Variants in PRDM2 observed in about 807,000 individuals in gnomAD.
PRDM2 encodes the protein PR domain zinc finger protein 2.
PRDM2 carries 30 observed loss-of-function variants against 130.0 expected under a neutral mutation model. The ratio of observed to expected loss-of-function variants is 0.23; its 90% CI spans 0.17 to 0.31. The LOEUF is 0.31. Among genes scored for constraint, PRDM2 ranks in the 10% least tolerant of loss-of-function variants. The pLI is 1.00. For synonymous variants in PRDM2, 871 were observed against 782.4 expected, an observed-to-expected ratio of 1.11 and a Z score of -1.89; for missense variants, 2,011 against 2,108.4, an observed-to-expected ratio of 0.95 and a Z score of 0.90.
At chr1:13,735,456 T>C (rs897696815) in intron 4 of PRDM2, among the ~76,000 whole-genome samples, 34 of 152,384 alleles carry the variant, frequency 2.2e-4, no homozygotes, top group African/African-American at 7.2e-4. Flanking sequence ...TGTACTTTTA[T>C]GGGATTCAAA....
rs1333549069 is a variant in PRDM2 at position 13,749,467 on chromosome 1, G to T, written c.491G>T (p.Ser164Ile). 6.7e-7 allele frequency: 1 copy of T among 1,488,034 alleles called. No individual in the cohort carries two copies. Among genetic ancestry groups the T allele is most frequent in the Non-Finnish European group, 9.0e-7 (1 of 1,105,162 alleles). 92.2% of individuals were successfully genotyped at this position (1,488,034 alleles called of 1,614,324 possible). A position where few individuals can be genotyped will look rare whatever the true frequency, so the allele number is the denominator to read the frequency against. The change falls in exon 6 of 10, where the codon AGC becomes ATC. Residue 164 changes from serine (S) to isoleucine (I), a missense_variant. By Grantham distance (142) the Ser-to-Ile change is moderately radical. Transcript: ENST00000311066. ...CGAGCCAGCGCCCGGAGCAAGCGGA[G>T]CTCCCCCAAGAGCCGGAAAGGTAGG... is the stretch of plus-strand genomic sequence containing the variant. Reference protein sequence around the residue: ...EERASARSKRSSPKSRKGKKK... With the variant: ...EERASARSKRISPKSRKGKKK...
At chr1:13,774,081 C>T (rs1390948507) in intron 7 of PRDM2, among the ~76,000 whole-genome samples, 1 of 152,132 alleles carries the variant, frequency 6.6e-6, no homozygotes, top group Non-Finnish European at 1.5e-5. Context: ...TGTTTGTCCC[C>T]TTAAAATTTT....
intron 8 of PRDM2, among the ~76,000 whole-genome samples, chr1:13,813,083 T>C (rs1016843842): frequency 3.3e-5 from 5 of 152,198 alleles, no homozygotes; most frequent in Non-Finnish European, 5.9e-5. Flanking sequence ...CCGCAACTGC[T>C]GCAGTCACGA....
At chr1:13,808,049 C>T (rs1417522472) in intron 8 of PRDM2, among the ~76,000 whole-genome samples, 1 of 152,172 alleles carries the variant, frequency 6.6e-6, no homozygotes, top group Non-Finnish European at 1.5e-5. Flanking sequence ...CAGTAGAGCA[C>T]ACTTTGCCAG....
chr1:13,727,297 C>G (rs1174762801), intron 2 of PRDM2, among the ~76,000 whole-genome samples: 1 of 152,158 alleles, frequency 6.6e-6, no homozygotes, highest in Non-Finnish European at 1.5e-5. Context: ...GTCTGTCAGC[C>G]AGGCTGGAGT....
intron 8 of PRDM2, among the ~76,000 whole-genome samples, chr1:13,793,104 T>TGTGTA (rs560019565): frequency 6.5e-4 from 99 of 152,246 alleles, no homozygotes; most frequent in Non-Finnish European, 1.3e-3. Context: ...TGTAGGATCA[T>TGTGTA]GGGAAGAACA....
At chr1:13,739,973 A>G (rs1272792432) in intron 4 of PRDM2, among the ~76,000 whole-genome samples, 1 of 152,216 alleles carries the variant, frequency 6.6e-6, no homozygotes, top group African/African-American at 2.4e-5. Context: ...GGTTTTGGCT[A>G]CGTGTATTCG....
chr1:13,795,952 CAG>C (rs1644916610), intron 8 of PRDM2, among the ~76,000 whole-genome samples: 1 of 152,182 alleles, frequency 6.6e-6, no homozygotes, highest in African/African-American at 2.4e-5. Context: ...GGTTCACACT[CAG>C]GGAAAGAGGG....
chr1:13,778,560 A>G lies in PRDM2; in HGVS notation c.765A>G (p.Arg255=), dbSNP rs1644531900. 6.2e-7 allele frequency: 1 copy of G among 1,614,050 alleles called. No homozygotes were observed. ...AWEPQPEPDE[R]LEAAACEVND... is the part of the protein sequence containing the mutation. Reference sequence around the variant, plus strand: ...AGCCACAGCCAGAACCAGACGAGCGATTAGAAGCGGCAGCTTGTGAGGTGA... The same window carrying G: ...AGCCACAGCCAGAACCAGACGAGCGGTTAGAAGCGGCAGCTTGTGAGGTGA... The change falls in exon 8 of 10, where the codon CGA becomes CGG. Residue 255 remains arginine, a synonymous_variant. Coordinates refer to ENST00000311066, the MANE Select transcript of PRDM2 (RefSeq NM_001393986.1).
At chr1:13,788,859 G>A (rs930989136) in intron 8 of PRDM2, among the ~76,000 whole-genome samples, 3 of 152,164 alleles carry the variant, frequency 2.0e-5, no homozygotes, top group East Asian at 3.9e-4. Context: ...TCCAACAAGC[G>A]CCCTCCATGG....
At chr1:13,766,947 C>A (rs911772547) in intron 6 of PRDM2, among the ~76,000 whole-genome samples, 1 of 152,216 alleles carries the variant, frequency 6.6e-6, no homozygotes, top group Non-Finnish European at 1.5e-5. Context: ...TCTAGAATTT[C>A]CTACTGTGTC....
At chr1:13,763,300 G>A (rs1485055355) in intron 6 of PRDM2, among the ~76,000 whole-genome samples, 2 of 152,216 alleles carry the variant, frequency 1.3e-5, no homozygotes, top group African/African-American at 4.8e-5. Context: ...TTTGGAAAGA[G>A]GAAACAGATG....
At position 13,782,551 on chromosome 1, in the gene PRDM2, C is replaced by A. The variant is rs1644638910; in HGVS notation, c.4756C>A (p.His1586Asn). The change falls in exon 8 of 10, where the codon CAT becomes AAT. Residue 1586 changes from histidine to asparagine, a missense_variant. Transcript: ENST00000311066. Reference protein sequence around the residue: ...SSPIRMAKITHVEGKKPKAVA... With the variant: ...SSPIRMAKITNVEGKKPKAVA... ...CCCGATAAGAATGGCCAAAATAACT[C>A]ATGTTGAGGGGAAAAAACCTAAAGC... 1 of 1,614,054 alleles carries A rather than the reference C, an allele frequency of 6.2e-7. No individual in the cohort carries two copies. Among genetic ancestry groups the A allele is most frequent in the South Asian group, 1.1e-5 (1 of 91,086 alleles).
intron 5 of PRDM2, 130 bp downstream of exon 5, chr1:13,742,287 G>C: frequency 9.6e-7 from 1 of 1,038,798 alleles, no homozygotes. Context: ...TGCAGCCTAA[G>C]CCTCCCCAGC....
intron 4 of PRDM2, 104 bp from the exon 5 acceptor site, chr1:13,741,901 A>T (rs1423263873): frequency 7.0e-6 from 6 of 862,404 alleles, no homozygotes; most frequent in Non-Finnish European, 1.1e-5. Context: ...TATATAGAGT[A>T]CTTGCATATA....
At chr1:13,783,177 C>G (rs762481753) in intron 8 of PRDM2, 3 of 532,544 alleles carry the variant, frequency 5.6e-6, no homozygotes, top group African/African-American at 3.8e-5. Flanking sequence ...TGTCATGTGT[C>G]TTATTTTCCG....
chr1:13,814,366 C>G (rs1005086690), intron 8 of PRDM2, among the ~76,000 whole-genome samples: 6 of 152,240 alleles, frequency 3.9e-5, no homozygotes, highest in African/African-American at 1.4e-4. Flanking sequence ...AGGGGCAGCC[C>G]TGACCTTGAC....
chr1:13,787,690 T>C (rs747524358), intron 8 of PRDM2: 1 of 983,666 alleles, frequency 1.0e-6, no homozygotes, highest in Non-Finnish European at 1.2e-6. Flanking sequence ...AATTGTATTA[T>C]ATGTGATTTA....
At chr1:13,761,631 G>A (rs561491954) in intron 6 of PRDM2, among the ~76,000 whole-genome samples, 5 of 151,994 alleles carry the variant, frequency 3.3e-5, no homozygotes, top group Non-Finnish European at 5.9e-5. Flanking sequence ...TTGTGTTTAC[G>A]TCCGTTTGTG....
Sources: gnomAD v4.1 joint callset for allele counts (sites outside exome capture counted in the v4.1 genomes callset) on GRCh38, gnomAD v4.1.1 for gene constraint, MANE v1.5 for transcripts, NCBI Gene and HGNC (gene_info 2026-07-23, HGNC 2026-07-21) for gene names.